GALNT13: variants seen among roughly 807,000 people sequenced by gnomAD.
The protein encoded by GALNT13 is UDP-GalNAc:polypeptide N-acetylgalactosaminyltransferase 13.
A neutral mutation model predicts 64.2 loss-of-function variants in GALNT13; 28 were observed. That is an observed-to-expected ratio of 0.44 (90% CI 0.32 to 0.60). The LOEUF (loss-of-function observed/expected upper bound fraction) is 0.60. GALNT13 is among the 20% of genes least tolerant of loss of function. The probability of loss-of-function intolerance (pLI) is 0.05; values close to 1 mark genes in which losing one functional copy is unlikely to be tolerated. For synonymous variants in GALNT13, 214 were observed against 224.6 expected (o/e 0.95, Z 0.42); for missense variants, 577 against 669.8 (o/e 0.86, Z 1.53).
At chr2:154,417,555 G>T (rs1700076612) in intron 11 of GALNT13, among the ~76,000 whole-genome samples, 1 of 143,462 alleles carries the variant, frequency 7.0e-6, no homozygotes, top group Non-Finnish European at 1.5e-5. Context: ...CTGTTGCCCA[G>T]GCTGGAGTGC....
the GALNT13 span, among the ~76,000 whole-genome samples, chr2:153,282,546 C>A: frequency 6.6e-6 from 1 of 152,174 alleles, no homozygotes; most frequent in African/African-American, 2.4e-5. Flanking sequence ...TCCCAACTAC[C>A]TGGGACTATG....
chr2:153,676,668 C>G, the GALNT13 span, among the ~76,000 whole-genome samples: 3 of 151,994 alleles, frequency 2.0e-5, no homozygotes, highest in Non-Finnish European at 4.4e-5. Flanking sequence ...CCACTATGAT[C>G]ATAGTGGATA....
chr2:153,641,039 A>G, the GALNT13 span, among the ~76,000 whole-genome samples: 5 of 152,176 alleles, frequency 3.3e-5, no homozygotes, highest in South Asian at 8.3e-4. Context: ...TGAAATATAT[A>G]AAACAGCAAT....
At chr2:153,098,749 C>T in the GALNT13 span, among the ~76,000 whole-genome samples, 1 of 152,000 alleles carries the variant, frequency 6.6e-6, no homozygotes, top group African/African-American at 2.4e-5. Flanking sequence ...GAACATGTTT[C>T]TCAGGGTGGA....
At chr2:154,202,955 G>A (rs977464026) in intron 4 of GALNT13, among the ~76,000 whole-genome samples, 1 of 152,050 alleles carries the variant, frequency 6.6e-6, no homozygotes, top group African/African-American at 2.4e-5. Flanking sequence ...TGTAATTTCG[G>A]TGAATCTGAT....
the GALNT13 span, among the ~76,000 whole-genome samples, chr2:153,548,103 A>T: frequency 6.6e-6 from 1 of 152,198 alleles, no homozygotes; most frequent in Admixed American, 6.5e-5. Flanking sequence ...ATTCTGTAAC[A>T]GCTCGATGAA....
chr2:154,109,435 ACTT>A (rs1357838131), intron 3 of GALNT13, among the ~76,000 whole-genome samples: 1 of 151,690 alleles, frequency 6.6e-6, no homozygotes, highest in East Asian at 1.9e-4. Flanking sequence ...CAACAATTTT[ACTT>A]CTTCCTTTTC....
chr2:153,859,301 T>C, the GALNT13 span, among the ~76,000 whole-genome samples: 1 of 152,234 alleles, frequency 6.6e-6, no homozygotes, highest in East Asian at 1.9e-4. Flanking sequence ...TTGTTTTGTT[T>C]TCTAACACGT....
At chr2:153,705,360 A>G in the GALNT13 span, among the ~76,000 whole-genome samples, 1 of 152,084 alleles carries the variant, frequency 6.6e-6, no homozygotes, top group Non-Finnish European at 1.5e-5. Context: ...ATATTTTATA[A>G]AGAAGTTTCT....
intron 3 of GALNT13, among the ~76,000 whole-genome samples, chr2:154,110,182 TTTGTTGTTG>T: frequency 6.7e-6 from 1 of 149,588 alleles, no homozygotes; most frequent in South Asian, 2.1e-4. Flanking sequence ...GATTTTGTCT[TTTGTTGTTG>T]TTGTTGTTGT....
the GALNT13 span, among the ~76,000 whole-genome samples, chr2:153,069,517 GCCTTTGATCCT>G: frequency 3.9e-5 from 6 of 151,930 alleles, no homozygotes; most frequent in African/African-American, 1.2e-4. Context: ...CATCTCAATC[GCCTTTGATCCT>G]CAGAATTATT....
chr2:154,344,807 G>A (rs1343064927), intron 9 of GALNT13, among the ~76,000 whole-genome samples: 1 of 151,974 alleles, frequency 6.6e-6, no homozygotes, highest in Admixed American at 6.6e-5. Flanking sequence ...TAGAATTTGA[G>A]AAAGGTATAT....
At chr2:153,779,187 T>C in the GALNT13 span, among the ~76,000 whole-genome samples, 1 of 152,172 alleles carries the variant, frequency 6.6e-6, no homozygotes, top group Non-Finnish European at 1.5e-5. Context: ...CTTTTTTTTT[T>C]CTGTGAATAA....
chr2:153,799,855 A>G, the GALNT13 span, among the ~76,000 whole-genome samples: 13,212 of 152,132 alleles, frequency 0.087, 620 homozygotes, highest in Middle Eastern at 0.14. Flanking sequence ...AAATGAGGAA[A>G]TGGAACAAAG....
At chr2:154,123,391 C>T (rs1038154837) in intron 3 of GALNT13, among the ~76,000 whole-genome samples, 11 of 151,826 alleles carry the variant, frequency 7.2e-5, no homozygotes, top group Non-Finnish European at 1.3e-4. Context: ...TAGGGTGACC[C>T]TCAAATATTT....
At chr2:153,356,794 T>C in the GALNT13 span, among the ~76,000 whole-genome samples, 3,890 of 128,084 alleles carry the variant, frequency 0.03, 375 homozygotes, top group African/African-American at 0.099. Context: ...TTCCTCTTTT[T>C]TTTTTTTTTT....
the GALNT13 span, among the ~76,000 whole-genome samples, chr2:153,760,843 G>A: frequency 1.3e-5 from 2 of 152,096 alleles, no homozygotes; most frequent in Non-Finnish European, 2.9e-5. Flanking sequence ...TCCTCACTCT[G>A]ATTGTATTGC....
chr2:154,295,315 G>A (rs1260593929), intron 8 of GALNT13, among the ~76,000 whole-genome samples: 1 of 149,588 alleles, frequency 6.7e-6, no homozygotes, highest in Admixed American at 6.7e-5. Flanking sequence ...TTATAGCTTT[G>A]TAATCACTTC....
chr2:153,721,409 A>G, the GALNT13 span, among the ~76,000 whole-genome samples: 1 of 144,824 alleles, frequency 6.9e-6, no homozygotes, highest in Non-Finnish European at 1.5e-5. Context: ...TCAACTAACG[A>G]GCAAAATCAC....
Sources: allele counts gnomAD v4.1 joint callset (sites outside exome capture counted in the v4.1 genomes callset), GRCh38; gene constraint gnomAD v4.1.1; transcripts MANE v1.5; gene names NCBI Gene and HGNC (gene_info 2026-07-23, HGNC 2026-07-21).